ADCY5: variants seen among roughly 807,000 people sequenced by gnomAD.
ADCY5 encodes the protein adenylate cyclase 5.
In ADCY5, 30 loss-of-function variants were observed where a neutral mutation model predicts 119.7. That is an observed-to-expected ratio of 0.25 (90% CI 0.19 to 0.34). The LOEUF is 0.34. Among genes scored for constraint, ADCY5 ranks in the 10% least tolerant of loss-of-function variants. ADCY5 has a pLI of 1.00. For synonymous variants in ADCY5, 753 were observed against 762.2 expected, an observed-to-expected ratio of 0.99 and a Z score of 0.20; for missense variants, 1,324 against 1,775.2, an observed-to-expected ratio of 0.75 and a Z score of 4.57.
chr3:123,447,969 A>C lies in ADCY5; in HGVS notation c.577T>G (p.Ser193Ala). The change falls in exon 1 of 21, where the codon TCG (serine) becomes GCG (alanine). Residue 193 changes from serine to alanine, a missense_variant. By Grantham distance (99) the Ser-to-Ala change is moderately conservative. Around this residue, in one of 6 missense-constraint regions of ADCY5, gnomAD observed 585 missense variants for 569.9 expected, o/e 1.03. Coordinates refer to ENST00000462833, the MANE Select transcript of ADCY5 (RefSeq NM_183357.3). ...GCGCCGGGCCCCGCGCCCGAGCCCGAGTCCGCCGAGCTGCCGCCATCCCCG... is the reference window on the plus strand; with the variant it reads ...GCGCCGGGCCCCGCGCCCGAGCCCGCGTCCGCCGAGCTGCCGCCATCCCCG... ...GSGDGGSSADSGSGAGPGAVL... is the reference protein window; with the variant it reads ...GSGDGGSSADAGSGAGPGAVL... The C allele has an allele frequency of 6.9e-7, 1 of 1,456,760 alleles. No homozygotes were observed. Among genetic ancestry groups the C allele is most frequent in the Non-Finnish European group, 9.1e-7 (1 of 1,104,030 alleles). The allele number at this position is 1,456,760 out of a possible 1,614,324, so 90.2% of individuals were successfully genotyped here. A position where few individuals can be genotyped will look rare whatever the true frequency, so the allele number is the denominator to read the frequency against.
chr3:123,289,850 G>A lies in ADCY5; in HGVS notation c.3432C>T (p.Gly1144=), dbSNP rs544544154. ...CGGCCAGTGCCTTGATGTGGGTCTT[G>A]CCCACCTTGTCGTAGGTAGAGTCGT... ...GLNDSTYDKV[G]KTHIKALADF... Residue 1144 remains glycine, a synonymous_variant, in exon 19 of 21, where the codon GGC becomes GGT. Coordinates refer to ENST00000462833, the MANE Select transcript of ADCY5 (RefSeq NM_183357.3). The A allele has an allele frequency of 5.0e-6, 8 of 1,614,222 alleles. No homozygotes were observed. Among genetic ancestry groups the A allele is most frequent in the Admixed American group, 3.3e-5 (2 of 60,030 alleles).
intron 1 of ADCY5, among the ~76,000 whole-genome samples, chr3:123,379,142 G>A (rs930834239): frequency 6.6e-6 from 1 of 152,154 alleles, no homozygotes; most frequent in African/African-American, 2.4e-5. Context: ...CCAGGGCAGT[G>A]GATGTGAATG....
At chr3:123,328,142 C>T (rs901297374) in intron 6 of ADCY5, among the ~76,000 whole-genome samples, 24 of 152,358 alleles carry the variant, frequency 1.6e-4, no homozygotes, top group Admixed American at 9.1e-4. Context: ...TGAACACAGG[C>T]GCTGTTTCTC....
intron 1 of ADCY5, among the ~76,000 whole-genome samples, chr3:123,424,122 T>C (rs6438793): frequency 0.99 from 150,891 of 152,368 alleles, 74,735 homozygotes; most frequent in Middle Eastern, 1. Flanking sequence ...GATTATCCCA[T>C]GGCACTCAAG....
chr3:123,405,666 G>A (rs71330995), intron 1 of ADCY5, among the ~76,000 whole-genome samples: 30,465 of 151,878 alleles, frequency 0.2, 3,411 homozygotes, highest in Admixed American at 0.27. Context: ...TCAGAGGCTC[G>A]CTTTGTCGTC....
At chr3:123,303,923 C>G (rs56140660) in intron 13 of ADCY5, 144 bp downstream of exon 13, 1 of 602,774 alleles carries the variant, frequency 1.7e-6, no homozygotes, top group African/African-American at 1.9e-5. Context: ...GCACATTGAG[C>G]CAAAGCTGAT....
chr3:123,328,496 T>G (rs1941601962), intron 6 of ADCY5, 148 bp downstream of exon 6: 1 of 905,480 alleles, frequency 1.1e-6, no homozygotes, highest in South Asian at 1.7e-5. Context: ...CTACTTCCAC[T>G]GTGCTCACCC....
At chr3:123,416,947 G>A (rs1439775033) in intron 1 of ADCY5, among the ~76,000 whole-genome samples, 9 of 152,078 alleles carry the variant, frequency 5.9e-5, no homozygotes. Context: ...AAGACCCAGC[G>A]AAAGGCAGCC....
At chr3:123,331,150 CG>C in intron 4 of ADCY5, 134 bp from the exon 5 acceptor site, 1 of 926,248 alleles carries the variant, frequency 1.1e-6, no homozygotes, top group Non-Finnish European at 1.6e-6. Context: ...AGGCCCACGC[CG>C]GAACTCGGCA....
In ADCY5 at chr3:123,448,662, G is replaced by T; in HGVS notation, c.-117C>A. 7 of 951,490 alleles carry T rather than the reference G, an allele frequency of 7.4e-6. No homozygotes were observed. The highest frequency in any genetic ancestry group is 9.6e-6 in the Non-Finnish European group (7 of 730,938). The allele number at this position is 951,490 out of a possible 1,614,324, so 58.9% of individuals were successfully genotyped here. On this transcript the variant is annotated 5_prime_UTR_variant, in exon 1 of 21. Coordinates refer to ENST00000462833, the MANE Select transcript of ADCY5 (RefSeq NM_183357.3). ...AGGCTAGGGTCACACGTCGGGGGCG[G>T]CCCGGGGCCCTGCGCTGCAGCGGGG...
intron 3 of ADCY5, among the ~76,000 whole-genome samples, chr3:123,336,199 C>G (rs1436867864): frequency 6.6e-6 from 1 of 152,234 alleles, no homozygotes; most frequent in Admixed American, 6.5e-5. Context: ...GCCTGCAGAA[C>G]CCCATCCTGG....
At chr3:123,383,172 C>A (rs115346896) in intron 1 of ADCY5, among the ~76,000 whole-genome samples, 2 of 152,022 alleles carry the variant, frequency 1.3e-5, no homozygotes, top group Non-Finnish European at 2.9e-5. Context: ...GGGACACACA[C>A]GTAAACAGGA....
In ADCY5 at chr3:123,447,981, T is replaced by G. The variant is rs1945858059; in HGVS notation, c.565A>C (p.Ser189Arg). The G allele has an allele frequency of 7.0e-7, 1 of 1,423,476 alleles. No individual in the cohort carries two copies. Among genetic ancestry groups the G allele is most frequent in the Non-Finnish European group, 9.2e-7 (1 of 1,090,322 alleles). 88.2% of individuals were successfully genotyped at this position (1,423,476 alleles called of 1,614,324 possible). The stretch of plus-strand genomic sequence containing the variant: ...GCGCCCGAGCCCGAGTCCGCCGAGC[T>G]GCCGCCATCCCCGGACCCCTCGCCG... ...EGGEGSGDGG[S>R]SADSGSGAGP... Residue 189 changes from serine (S) to arginine (R), a missense_variant, in exon 1 of 21, where the codon AGC becomes CGC. By Grantham distance (110) the Ser-to-Arg change is moderately radical. Around this residue, in one of 6 missense-constraint regions of ADCY5, gnomAD observed 585 missense variants for 569.9 expected, o/e 1.03. Coordinates refer to ENST00000462833, the MANE Select transcript of ADCY5 (RefSeq NM_183357.3).
intron 1 of ADCY5, among the ~76,000 whole-genome samples, chr3:123,359,204 G>A (rs527560707): frequency 3.3e-5 from 5 of 151,522 alleles, no homozygotes; most frequent in Non-Finnish European, 5.9e-5. Context: ...AGAACTTCCC[G>A]GGGAGCCAGA....
chr3:123,301,089 G>C (rs1939820076), intron 14 of ADCY5, among the ~76,000 whole-genome samples: 1 of 151,974 alleles, frequency 6.6e-6, no homozygotes, highest in African/African-American at 2.4e-5. Context: ...CAACTGAGGG[G>C]CTAAACCAGG....
chr3:123,388,281 C>T (rs565901508), intron 1 of ADCY5, among the ~76,000 whole-genome samples: 119 of 152,150 alleles, frequency 7.8e-4, no homozygotes, highest in South Asian at 1.9e-3. Context: ...ATGGAGGGGA[C>T]GTTTCAGAGC....
chr3:123,410,577 A>G (rs1372698616), intron 1 of ADCY5, among the ~76,000 whole-genome samples: 2 of 152,210 alleles, frequency 1.3e-5, no homozygotes, highest in Non-Finnish European at 2.9e-5. Flanking sequence ...ATGAAATCTA[A>G]CAGGACACAT....
At chr3:123,381,759 T>A (rs3845913) in intron 1 of ADCY5, among the ~76,000 whole-genome samples, 70,534 of 152,096 alleles carry the variant, frequency 0.46, 18,965 homozygotes, top group Non-Finnish European at 0.62. Flanking sequence ...CAGCACTAGA[T>A]CCAGGCTGCA....
At chr3:123,420,459 G>C (rs115293454) in intron 1 of ADCY5, among the ~76,000 whole-genome samples, 1 of 152,148 alleles carries the variant, frequency 6.6e-6, no homozygotes, top group Non-Finnish European at 1.5e-5. Flanking sequence ...TAGGAAGTGC[G>C]CTAAGAAAGA....
Sources: allele counts gnomAD v4.1 joint callset (sites outside exome capture counted in the v4.1 genomes callset), GRCh38; gene constraint gnomAD v4.1.1; regional missense constraint gnomAD v4.1.1; transcripts MANE v1.5; gene names NCBI Gene and HGNC (gene_info 2026-07-23, HGNC 2026-07-21).